The following PLSCR2 variants were observed in gnomAD, a reference collection of about 807,000 sequenced individuals.
PLSCR2 encodes PL scramblase 2.
A neutral mutation model predicts 25.3 loss-of-function variants in PLSCR2; 18 were observed. The ratio of observed to expected loss-of-function variants is 0.71; its 90% CI spans 0.49 to 1.06. The LOEUF (loss-of-function observed/expected upper bound fraction) is 1.06, where lower values mean the gene tolerates loss of function less well. Ranked by LOEUF, PLSCR2 falls within the 50% of genes least tolerant of loss-of-function variation. The pLI is 0.00. For missense variants in PLSCR2, 243 were observed against 269.5 expected (o/e 0.90, Z 0.69); for synonymous variants, 88 against 87.3 (o/e 1.01, Z -0.04).
intron 1 of PLSCR2, 59 bp downstream of exon 1, chr3:146,469,436 C>T (rs1321522967): frequency 1.1e-6 from 1 of 921,912 alleles, no homozygotes; most frequent in South Asian, 5.0e-5. Flanking sequence ...AGCATCGTCC[C>T]CACTAGCCAG....
chr3:146,460,231 G>A, exon 1 of PLSCR2: 1 of 1,377,578 alleles, frequency 7.3e-7, no homozygotes, highest in East Asian at 2.7e-5. Context: ...CTTCAGATAT[G>A]TTTTAATGAA....
chr3:146,469,883 G>A (rs1300435353), intron 1 of PLSCR2, among the ~76,000 whole-genome samples: 2 of 150,682 alleles, frequency 1.3e-5, no homozygotes, highest in African/African-American at 2.4e-5. Flanking sequence ...CTCCGGAAAC[G>A]TTTCTCCGGT....
intron 8 of PLSCR2, among the ~76,000 whole-genome samples, chr3:146,433,897 A>T (rs988543951): frequency 2.6e-5 from 4 of 152,122 alleles, no homozygotes; most frequent in Non-Finnish European, 5.9e-5. Context: ...GGTAACACTT[A>T]TGGGGAGAGT....
chr3:146,468,363 G>A (rs989264063), intron 1 of PLSCR2, among the ~76,000 whole-genome samples: 1 of 152,204 alleles, frequency 6.6e-6, no homozygotes, highest in Admixed American at 6.5e-5. Flanking sequence ...ACTTCTAAGT[G>A]TCACTGGTAC....
At chr3:146,440,778 T>TA (rs1034286250), downstream of PLSCR2, among the ~76,000 whole-genome samples, 7 of 152,162 alleles carry the variant, frequency 4.6e-5, no homozygotes, top group African/African-American at 7.2e-5. Flanking sequence ...CAGTTTTTTT[T>TA]ATAACAAAAA....
At chr3:146,454,193 T>C in intron 4 of PLSCR2, 30 bp from the exon 5 acceptor site, 1 of 1,429,288 alleles carries the variant, frequency 7.0e-7, no homozygotes, top group Non-Finnish European at 9.5e-7. Flanking sequence ...GTGAACGTAA[T>C]AAATCATCAT....
chr3:146,437,145 A>G (rs1479280474), downstream of PLSCR2, among the ~76,000 whole-genome samples: 1 of 152,066 alleles, frequency 6.6e-6, no homozygotes, highest in East Asian at 1.9e-4. Flanking sequence ...CATGGTGGAT[A>G]AACTTTTTGA....
At chr3:146,461,765 G>T (rs2041588621), upstream of PLSCR2, 21 of 704,166 alleles carry the variant, frequency 3.0e-5, no homozygotes, top group South Asian at 3.0e-4. Flanking sequence ...AAAGCAATAG[G>T]AAGAAGTTCA....
In PLSCR2 at chr3:146,435,950, T is replaced by A. The variant is rs77728979; in HGVS notation, c.*35-2433A>T. Among the ~76,000 whole-genome samples, 4 of 152,230 alleles carry A rather than the reference T, an allele frequency of 2.6e-5. No individual in the cohort carries two copies. In the East Asian group the frequency reaches 7.7e-4, roughly 29 times the overall value. On this transcript the variant is annotated intron_variant, in intron 8 of 8. Transcript: ENST00000336685. ...AATCCATCTTGAATTAATTTCTGTA[T>A]AAGGTGTAAGGAAGGGATGCAGTTT...
intron 2 of PLSCR2, among the ~76,000 whole-genome samples, chr3:146,424,473 C>T (rs899655069): frequency 6.6e-6 from 1 of 152,018 alleles, no homozygotes; most frequent in African/African-American, 2.4e-5. Flanking sequence ...GACTTTTGAC[C>T]TCAGAAATTA....
intron 2 of PLSCR2, among the ~76,000 whole-genome samples, chr3:146,418,138 T>C (rs2039043751): frequency 6.6e-6 from 1 of 152,184 alleles, no homozygotes; most frequent in South Asian, 2.1e-4. Context: ...AAATACCTTT[T>C]TTCATCTAGG....
intron 8 of PLSCR2, 67 bp from the exon 8 acceptor site, chr3:146,433,584 T>A (rs559881215): frequency 6.6e-6 from 1 of 152,252 alleles, no homozygotes; most frequent in East Asian, 1.9e-4. Flanking sequence ...GTACCTCTAA[T>A]CCTCATTTTG....
chr3:146,472,548 C>T (rs2042153765), intron 1 of PLSCR2, among the ~76,000 whole-genome samples: 1 of 152,194 alleles, frequency 6.6e-6, no homozygotes. Flanking sequence ...TACATGGCAT[C>T]TTCTCACCGG....
intron 2 of PLSCR2, among the ~76,000 whole-genome samples, chr3:146,421,401 G>A (rs2039145603): frequency 6.6e-6 from 1 of 151,946 alleles, no homozygotes; most frequent in Non-Finnish European, 1.5e-5. Context: ...AGATTCTTTA[G>A]CCTGAAGACT....
chr3:146,453,299 A>G (rs1300994514), intron 5 of PLSCR2, among the ~76,000 whole-genome samples: 2 of 152,094 alleles, frequency 1.3e-5, no homozygotes, highest in Non-Finnish European at 2.9e-5. Context: ...GGCCCAGTTT[A>G]CTAAATTTTC....
intron 1 of PLSCR2, among the ~76,000 whole-genome samples, chr3:146,486,761 G>A (rs761159628): frequency 8.6e-5 from 13 of 152,028 alleles, no homozygotes; most frequent in African/African-American, 2.4e-4. Flanking sequence ...GGTACCATTC[G>A]TTCTGAAACT....
chr3:146,482,258 CA>C (rs2043156259), intron 1 of PLSCR2, among the ~76,000 whole-genome samples: 2 of 152,000 alleles, frequency 1.3e-5, no homozygotes, highest in Admixed American at 1.3e-4. Context: ...TTCTGTATGG[CA>C]AAAGAAACTA....
rs1560054783 is a variant in PLSCR2 at position 146,483,451 on chromosome 3, ATGTATATATATATATATATATACATGTG to A, written c.-293+12416_-293+12443del. Among the ~76,000 whole-genome samples, 208 of 55,824 alleles carry A rather than the reference ATGTATATATATATATATATATACATGTG, an allele frequency of 3.7e-3. 5 individuals carry two copies. The highest frequency in any genetic ancestry group is 0.011 in the East Asian group (21 of 1,970). 36.6% of individuals were successfully genotyped at this position (55,824 alleles called of 152,430 possible). On this transcript the variant is annotated intron_variant, in intron 1 of 8. Coordinates refer to the PLSCR2 transcript ENST00000336685. ...TTAATATATATATATATACACATGT[ATGTATATATATATATATATATACATGTG>A]TATATATATATATATATATATATAT... is the stretch of plus-strand genomic sequence containing the variant.
upstream of PLSCR2, chr3:146,461,835 G>T: frequency 1.1e-6 from 1 of 943,752 alleles, no homozygotes; most frequent in Non-Finnish European, 1.7e-6. Context: ...GATAATTACT[G>T]GAGGAATTTA....
Sources: gnomAD v4.1 joint callset for allele counts (sites outside exome capture counted in the v4.1 genomes callset) on GRCh38, gnomAD v4.1.1 for gene constraint, MANE v1.5 for transcripts, NCBI Gene and HGNC (gene_info 2026-07-23, HGNC 2026-07-21) for gene names.